The following IMMP2L variants were observed in gnomAD, a reference collection of about 807,000 sequenced individuals.
IMMP2L encodes the protein inner mitochondrial membrane peptidase subunit 2, also known as mitochondrial inner membrane protease subunit 2.
A neutral mutation model predicts 19.3 loss-of-function variants in IMMP2L; 18 were observed. That is an observed-to-expected ratio of 0.93 (90% CI 0.64 to 1.38). The LOEUF (loss-of-function observed/expected upper bound fraction) is 1.38, where lower values mean the gene tolerates loss of function less well. Ranked by LOEUF, IMMP2L falls within the 40% of genes most tolerant of loss-of-function variation. The pLI, the probability that IMMP2L is intolerant of heterozygous loss-of-function variation, is 0.00. For missense variants in IMMP2L, 233 were observed against 218.2 expected, an observed-to-expected ratio of 1.07 and a Z score of -0.43; for synonymous variants, 76 against 73.0, an observed-to-expected ratio of 1.04 and a Z score of -0.21.
At chr7:111,166,583 T>C (rs1432700215) in intron 3 of IMMP2L, among the ~76,000 whole-genome samples, 1 of 151,998 alleles carries the variant, frequency 6.6e-6, no homozygotes, top group Non-Finnish European at 1.5e-5. Context: ...CCACACATAC[T>C]GTATTAGTTT....
intron 3 of IMMP2L, chr7:111,122,826 A>G (rs1226047056): frequency 6.2e-7 from 1 of 1,613,792 alleles, no homozygotes; most frequent in African/African-American, 1.3e-5. Context: ...CTATCACTAC[A>G]CTAGTACAAG....
intron 1 of IMMP2L, among the ~76,000 whole-genome samples, chr7:111,547,194 T>C (rs575943715): frequency 6.8e-4 from 103 of 152,308 alleles, no homozygotes; most frequent in African/African-American, 2.3e-3. Flanking sequence ...GATTCAAATA[T>C]CAAATATACT....
intron 5 of IMMP2L, among the ~76,000 whole-genome samples, chr7:110,886,057 C>T (rs902293362): frequency 3.9e-5 from 6 of 152,130 alleles, no homozygotes; most frequent in African/African-American, 1.4e-4. Context: ...CCACCTAAAA[C>T]TTATTTTAAA....
intron 5 of IMMP2L, among the ~76,000 whole-genome samples, chr7:110,774,678 C>G (rs769152647): frequency 6.6e-6 from 1 of 151,950 alleles, no homozygotes; most frequent in Non-Finnish European, 1.5e-5. Flanking sequence ...TTACAAGTGC[C>G]TACGGTATTT....
intron 5 of IMMP2L, among the ~76,000 whole-genome samples, chr7:110,785,514 A>G (rs34856804): frequency 0.33 from 50,308 of 151,482 alleles, 10,212 homozygotes; most frequent in East Asian, 0.69. Context: ...AAGGCACTGG[A>G]CTTCCCATAG....
chr7:111,472,009 T>C (rs1290252472), intron 3 of IMMP2L, among the ~76,000 whole-genome samples: 1 of 152,080 alleles, frequency 6.6e-6, no homozygotes, highest in Non-Finnish European at 1.5e-5. Flanking sequence ...TCAGTGAAAA[T>C]TTAACTGTTA....
At chr7:111,395,461 T>A (rs1832769636) in intron 3 of IMMP2L, among the ~76,000 whole-genome samples, 2 of 152,198 alleles carry the variant, frequency 1.3e-5, no homozygotes, top group South Asian at 4.1e-4. Context: ...TGAGCAAAAT[T>A]TCTTTATTTC....
intron 4 of IMMP2L, among the ~76,000 whole-genome samples, chr7:110,919,509 G>A (rs185647791): frequency 6.6e-6 from 1 of 152,248 alleles, no homozygotes; most frequent in Non-Finnish European, 1.5e-5. Context: ...ATTCTATGGA[G>A]CAATGCGGGT....
At chr7:111,442,832 T>G (rs1317840252) in intron 3 of IMMP2L, among the ~76,000 whole-genome samples, 2 of 151,926 alleles carry the variant, frequency 1.3e-5, no homozygotes, top group East Asian at 3.8e-4. Context: ...TTTGCCCATA[T>G]AGTTAATTGC....
chr7:111,027,298 G>A (rs930635170), intron 3 of IMMP2L, among the ~76,000 whole-genome samples: 2 of 152,086 alleles, frequency 1.3e-5, no homozygotes, highest in Non-Finnish European at 2.9e-5. Flanking sequence ...CAAGAGAAAC[G>A]AAGGCTGATG....
Position 110,974,337 on chromosome 7 carries a change from A to G in IMMP2L, c.240-10772T>C, listed in dbSNP as rs922008918. Reference sequence around the variant, plus strand: ...CTCCAGTATGAAATATGTGGGATCTAATCCACATTAGAGTGGGTTTGTAGG... The same window carrying G: ...CTCCAGTATGAAATATGTGGGATCTGATCCACATTAGAGTGGGTTTGTAGG... On this transcript the variant is annotated intron_variant, in intron 3 of 5. Transcript: ENST00000405709. 2.0e-5 allele frequency among the ~76,000 whole-genome samples: 3 copies of G among 152,102 alleles called. No homozygotes were observed. The East Asian group carries it at 5.8e-4, about 29-fold the overall frequency.
intron 2 of IMMP2L, among the ~76,000 whole-genome samples, chr7:111,489,347 C>A (rs1013480773): frequency 1.3e-5 from 2 of 151,922 alleles, no homozygotes; most frequent in Non-Finnish European, 2.9e-5. Context: ...CTGGCCTCAG[C>A]CCACTTTTTG....
chr7:111,428,083 C>G (rs574496786), intron 3 of IMMP2L, among the ~76,000 whole-genome samples: 1 of 151,870 alleles, frequency 6.6e-6, no homozygotes, highest in South Asian at 2.1e-4. Flanking sequence ...TTGGCTCAGT[C>G]CTGTCAGCAG....
At chr7:111,371,313 A>G (rs1830244763) in intron 3 of IMMP2L, among the ~76,000 whole-genome samples, 1 of 151,942 alleles carries the variant, frequency 6.6e-6, no homozygotes, top group Non-Finnish European at 1.5e-5. Flanking sequence ...CCTTCTCTCA[A>G]AATGTCTGCA....
chr7:111,544,642 G>A (rs768858608), intron 1 of IMMP2L, among the ~76,000 whole-genome samples: 16 of 152,056 alleles, frequency 1.1e-4, no homozygotes, highest in Non-Finnish European at 1.9e-4. Context: ...CTATTCCATT[G>A]ACTGGGAAAA....
chr7:110,776,948 T>C (rs1314435090), intron 5 of IMMP2L, among the ~76,000 whole-genome samples: 3 of 152,144 alleles, frequency 2.0e-5, no homozygotes, highest in South Asian at 2.1e-4. Context: ...TCTTTACACA[T>C]TGAAGTGTGG....
chr7:111,443,693 T>G (rs938587116), intron 3 of IMMP2L, among the ~76,000 whole-genome samples: 8 of 152,206 alleles, frequency 5.3e-5, no homozygotes, highest in Non-Finnish European at 1.0e-4. Context: ...GTGCAATTAT[T>G]AAAATATCGG....
intron 5 of IMMP2L, among the ~76,000 whole-genome samples, chr7:110,696,915 G>A (rs1793930096): frequency 6.6e-6 from 1 of 152,162 alleles, no homozygotes; most frequent in Non-Finnish European, 1.5e-5. Flanking sequence ...AAATGGGCAG[G>A]AAGATCCAGG....
chr7:110,939,130 G>C (rs1431305831), intron 4 of IMMP2L, among the ~76,000 whole-genome samples: 1 of 151,936 alleles, frequency 6.6e-6, no homozygotes, highest in Admixed American at 6.6e-5. Context: ...GGTTATATAT[G>C]AGAGTTACCT....
Sources: allele counts gnomAD v4.1 joint callset (sites outside exome capture counted in the v4.1 genomes callset), GRCh38; gene constraint gnomAD v4.1.1; transcripts MANE v1.5; gene names NCBI Gene and HGNC (gene_info 2026-07-23, HGNC 2026-07-21).